NKD2: variants seen among roughly 807,000 people sequenced by gnomAD.
NKD2 encodes protein naked cuticle homolog 2.
In NKD2, 43 loss-of-function variants were observed where a neutral mutation model predicts 34.8. The observed-to-expected ratio is 1.24, with a 90% CI of 0.97 to 1.60. The LOEUF (loss-of-function observed/expected upper bound fraction) is 1.60. NKD2 is among the 40% of genes most tolerant of loss of function. NKD2 has a pLI of 0.00. For missense variants in NKD2, 675 were observed against 627.1 expected, an observed-to-expected ratio of 1.08 and a Z score of -0.82; for synonymous variants, 278 against 265.1, an observed-to-expected ratio of 1.05 and a Z score of -0.47.
At position 1,008,947 on chromosome 5, in the gene NKD2, C is replaced by T. The variant is rs1043300153; in HGVS notation, c.-111C>T. ...TGGAGCCATCTTCCCTCACCTCCTA[C>T]CGGCACCCTAGCTTGCTCCCGGCCC... On this transcript the variant is annotated 5_prime_UTR_variant, in exon 1 of 10. Transcript: ENST00000296849. 53 of 398,920 alleles carry T rather than the reference C, an allele frequency of 1.3e-4. No homozygotes were observed. The highest frequency in any genetic ancestry group is 1.0e-3 in the African/African-American group (50 of 48,140). The allele number at this position is 398,920 out of a possible 1,614,324, so 24.7% of individuals were successfully genotyped here. A position where few individuals can be genotyped will look rare whatever the true frequency, so the allele number is the denominator to read the frequency against.
At chr5:1,031,085 C>T (rs1297594523) in intron 3 of NKD2, among the ~76,000 whole-genome samples, 1 of 152,116 alleles carries the variant, frequency 6.6e-6, no homozygotes, top group Non-Finnish European at 1.5e-5. Flanking sequence ...TGGCAGGAGG[C>T]GCTTGGGGGG....
chr5:1,021,950 C>G (rs532526345), intron 3 of NKD2, among the ~76,000 whole-genome samples: 3 of 152,198 alleles, frequency 2.0e-5, no homozygotes, highest in Non-Finnish European at 4.4e-5. Context: ...TCCCCCAGGG[C>G]CGCCTGCAGC....
chr5:1,017,572 G>T (rs115420223), intron 3 of NKD2, among the ~76,000 whole-genome samples: 2 of 152,318 alleles, frequency 1.3e-5, no homozygotes, highest in African/African-American at 4.8e-5. Context: ...TCACAGGCTT[G>T]TCCTGGGCAC....
At chr5:1,037,603 C>T (rs1192204157) in intron 9 of NKD2, 1 of 1,535,806 alleles carries the variant, frequency 6.5e-7, no homozygotes, top group Non-Finnish European at 8.7e-7. Flanking sequence ...TTGCAGGGAG[C>T]TGTGGAGCCA....
chr5:1,035,040 G>C, intron 7 of NKD2, 137 bp downstream of exon 7: 1 of 781,266 alleles, frequency 1.3e-6, no homozygotes, highest in African/African-American at 1.7e-5. Flanking sequence ...GAGTGAATGA[G>C]TAAGTGGGTG....
At chr5:1,017,217 C>T (rs1444021732) in intron 3 of NKD2, among the ~76,000 whole-genome samples, 2 of 152,184 alleles carry the variant, frequency 1.3e-5, no homozygotes, top group Non-Finnish European at 2.9e-5. Flanking sequence ...TGGCTGGCGT[C>T]TGGGCCTCAG....
Position 1,035,428 on chromosome 5 carries a change from C to T in NKD2, c.614C>T (p.Ala205Val), listed in dbSNP as rs746764494. 1.3e-6 allele frequency: 2 copies of T among 1,559,164 alleles called. No individual in the cohort carries two copies. The highest frequency in any genetic ancestry group is 1.7e-6 in the Non-Finnish European group (2 of 1,151,494). The change falls in exon 8 of 10, where the codon GCA becomes GTA. Residue 205 changes from alanine to valine, a missense_variant. Physicochemically the swap from Ala to Val is moderately conservative, Grantham distance 64. Transcript: ENST00000296849. ...CGTTGCAGGATGGAGGGTGAACTGGCAGAGGAGCCAAGGGTGGCTGACAGG... is the reference window on the plus strand; with the variant it reads ...CGTTGCAGGATGGAGGGTGAACTGGTAGAGGAGCCAAGGGTGGCTGACAGG... Reference protein sequence around the residue: ...PTRCRMEGELAEEPRVADRRL... With the variant: ...PTRCRMEGELVEEPRVADRRL...
In NKD2 at chr5:1,038,897, G is replaced by A. The variant is rs745759618; in HGVS notation, c.*524G>A. 1.5e-4 allele frequency: 34 copies of A among 226,724 alleles called. No individual in the cohort carries two copies. The highest frequency in any genetic ancestry group is 1.5e-3 in the Middle Eastern group (1 of 648). 14.0% of individuals were successfully genotyped at this position (226,724 alleles called of 1,614,324 possible). On this transcript the variant is annotated 3_prime_UTR_variant, in exon 10 of 10. Transcript: ENST00000296849. The surrounding 1 kb of genome is among the most constrained non-coding windows in gnomAD (Gnocchi z 4.5). Reference sequence around the variant, plus strand: ...TAGCAGGGAGCATCCGCGGCTCCCCGCAGGAGGCCAAGCAGCAGAAGGCAG... The same window carrying A: ...TAGCAGGGAGCATCCGCGGCTCCCCACAGGAGGCCAAGCAGCAGAAGGCAG...
Position 1,033,461 on chromosome 5 carries a change from G to GGCCC in NKD2, c.295_298dup (p.Arg100ProfsTer12), listed in dbSNP as rs777996311. On this transcript the variant is annotated frameshift_variant, in exon 5 of 10. Coordinates refer to ENST00000296849, the MANE Select transcript of NKD2 (RefSeq NM_033120.4). LOFTEE classifies it high-confidence loss of function. ...CGGAGAGAGGGCAGCAAACCGCGAG[G>GGCCC]GCCCGCGAGGACCGGGCGGGCAGCG... The GGCCC allele has an allele frequency of 1.3e-6, 2 of 1,558,374 alleles. No homozygotes were observed. Among genetic ancestry groups the GGCCC allele is most frequent in the South Asian group, 2.4e-5 (2 of 84,628 alleles).
intron 3 of NKD2, among the ~76,000 whole-genome samples, chr5:1,027,435 T>A (rs1434557729): frequency 6.6e-6 from 1 of 152,118 alleles, no homozygotes; most frequent in Non-Finnish European, 1.5e-5. Flanking sequence ...GTCTGGAAAA[T>A]GCTGCCCGAC....
chr5:1,029,661 T>C (rs1290754470), intron 3 of NKD2, among the ~76,000 whole-genome samples: 1 of 152,202 alleles, frequency 6.6e-6, no homozygotes, highest in Non-Finnish European at 1.5e-5. Flanking sequence ...TCACTTGACA[T>C]GTTCAGCAAA....
rs1036417103 is a variant in NKD2, at chr5:1,038,602, G to T, written c.*229G>T. On this transcript the variant is annotated 3_prime_UTR_variant, in exon 10 of 10. Coordinates refer to ENST00000296849, the MANE Select transcript of NKD2 (RefSeq NM_033120.4). This position sits in a 1 kb window ranked among gnomAD's most constrained non-coding sequence, Gnocchi z 4.5. ...TCTTCTGCCCTCGATGCCACATGGC[G>T]GTGAACACATCTGAAGCCACTATGT... is the stretch of plus-strand genomic sequence containing the variant. 1 of 826,360 alleles carries T rather than the reference G, an allele frequency of 1.2e-6. No individual in the cohort carries two copies. Among genetic ancestry groups the T allele is most frequent in the Non-Finnish European group, 2.0e-6 (1 of 506,750 alleles). The allele number at this position is 826,360 out of a possible 1,614,324, so 51.2% of individuals were successfully genotyped here. A position where few individuals can be genotyped will look rare whatever the true frequency, so the allele number is the denominator to read the frequency against.
chr5:1,015,474 G>A (rs1407243267), intron 3 of NKD2, among the ~76,000 whole-genome samples: 2 of 152,236 alleles, frequency 1.3e-5, no homozygotes, highest in Admixed American at 1.3e-4. Flanking sequence ...ACAGCTACCT[G>A]CCAGATCACT....
intron 9 of NKD2, chr5:1,037,544 G>C: frequency 6.5e-7 from 1 of 1,535,914 alleles, no homozygotes; most frequent in Non-Finnish European, 8.7e-7. Flanking sequence ...GAGAAGAGAA[G>C]CTCCGCTCCC....
intron 5 of NKD2, among the ~76,000 whole-genome samples, 154 bp downstream of exon 5, chr5:1,033,653 A>G (rs1269215546): frequency 6.6e-6 from 1 of 152,224 alleles, no homozygotes; most frequent in Non-Finnish European, 1.5e-5. Flanking sequence ...TTGAAGCAGA[A>G]CTTGAATGTG....
chr5:1,027,345 G>A lies in NKD2; in HGVS notation c.142-4807G>A, dbSNP rs995774506. Reference sequence around the variant, plus strand: ...AGGAGAGGCCCGTCCTGTGTCAGGCGGTGTAGGAGCTGTGCCTTCTGGATA... The same window carrying A: ...AGGAGAGGCCCGTCCTGTGTCAGGCAGTGTAGGAGCTGTGCCTTCTGGATA... On this transcript the variant is annotated intron_variant, in intron 3 of 9. Coordinates refer to ENST00000296849, the MANE Select transcript of NKD2 (RefSeq NM_033120.4). Among the ~76,000 whole-genome samples the A allele has an allele frequency of 3.2e-4, 48 of 152,200 alleles. 1 individual carries two copies. The highest frequency in any genetic ancestry group is 9.7e-4 in the African/African-American group (40 of 41,444).
intron 3 of NKD2, among the ~76,000 whole-genome samples, chr5:1,030,100 C>A (rs73026742): frequency 0.051 from 7,794 of 151,706 alleles, 249 homozygotes; most frequent in African/African-American, 0.09. Context: ...AAGGTCTGGG[C>A]TGGAGCTCCC....
intron 9 of NKD2, 120 bp downstream of exon 9, chr5:1,036,504 C>T (rs1444590022): frequency 2.0e-6 from 1 of 497,094 alleles, no homozygotes; most frequent in Admixed American, 4.0e-5. Context: ...CCCCCCCCAA[C>T]CCCCCCCACC....
Position 1,036,492 on chromosome 5 carries a change from GC to G in NKD2, c.787+117del, listed in dbSNP as rs1342239961. 170 of 413,702 alleles carry G rather than the reference GC, an allele frequency of 4.1e-4. No homozygotes were observed. The African/African-American group carries it at 7.4e-3, about 18-fold the overall frequency. 25.6% of individuals were successfully genotyped at this position (413,702 alleles called of 1,614,324 possible). ...AGGGGGCCCCTCCCTGCCCTGCCCC[GC>G]CCCCCCCCAACCCCCCCCACCCCAC... On this transcript the variant is annotated intron_variant, in intron 9 of 9. Coordinates refer to ENST00000296849, the MANE Select transcript of NKD2 (RefSeq NM_033120.4).
Sources: gnomAD v4.1 joint callset for allele counts (sites outside exome capture counted in the v4.1 genomes callset) on GRCh38, gnomAD v4.1.1 for gene constraint, Gnocchi (gnomAD v3.1) non-coding constraint, MANE v1.5 for transcripts, NCBI Gene and HGNC (gene_info 2026-07-23, HGNC 2026-07-21) for gene names.